Variants in STK26 observed in about 807,000 individuals in gnomAD.
STK26 encodes the protein serine/threonine-protein kinase 26.
In STK26, 14 loss-of-function variants were observed where a neutral mutation model predicts 34.7. That is an observed-to-expected ratio of 0.40 (90% CI 0.27 to 0.63). STK26 has a LOEUF of 0.63. Among genes scored for constraint, STK26 ranks in the 30% least tolerant of loss-of-function variants. The pLI is 0.38. For synonymous variants in STK26, 100 were observed against 109.8 expected, an observed-to-expected ratio of 0.91 and a Z score of 0.56; for missense variants, 226 against 309.1, an observed-to-expected ratio of 0.73 and a Z score of 2.02.
chrX:132,035,712 G>A (rs1392197488), intron 2 of STK26, among the ~76,000 whole-genome samples: 1 of 108,358 alleles, frequency 9.2e-6, no homozygotes, highest in Non-Finnish European at 1.9e-5. Flanking sequence ...ATAAATGGCA[G>A]TATCTTAAAT....
intron 4 of STK26, 68 bp from the exon 5 acceptor site, chrX:132,068,147 A>C (rs1303982321): frequency 1.1e-6 from 1 of 870,014 alleles, no homozygotes. Context: ...CAAAGGTACC[A>C]ATTTTGAATT....
chrX:132,049,781 C>T (rs919411207), intron 2 of STK26, among the ~76,000 whole-genome samples: 4 of 112,038 alleles, frequency 3.6e-5, no homozygotes, highest in African/African-American at 1.3e-4. Flanking sequence ...ACTGATAGGC[C>T]TATATACAGG....
At chrX:132,028,414 T>C (rs1184164729) in intron 2 of STK26, among the ~76,000 whole-genome samples, 1 of 111,691 alleles carries the variant, frequency 9.0e-6, no homozygotes, top group Non-Finnish European at 1.9e-5. Context: ...GTTAAGGATT[T>C]CTGTTCTAGA....
At chrX:132,037,914 C>T (rs1926121744) in intron 2 of STK26, among the ~76,000 whole-genome samples, 1 of 108,082 alleles carries the variant, frequency 9.3e-6, no homozygotes. Context: ...AATAATGAAT[C>T]AATTTCGAGG....
intron 2 of STK26, 118 bp downstream of exon 2, chrX:132,023,777 G>T: frequency 1.1e-6 from 1 of 882,644 alleles, no homozygotes; most frequent in Non-Finnish European, 1.6e-6. Flanking sequence ...GGCAGGGCCG[G>T]TCACTATGGC....
chrX:132,055,552 A>T (rs1569332851), intron 3 of STK26: 1 of 1,073,378 alleles, frequency 9.3e-7, no homozygotes, highest in Non-Finnish European at 1.2e-6. Flanking sequence ...CTTGGGTTCC[A>T]GAGTTAGAAG....
In STK26 at chrX:132,037,769, C is replaced by CTTTTTTTTTTTTTTTTTT. The variant is rs755403402; in HGVS notation, c.42+14116_42+14133dup. Among the ~76,000 whole-genome samples, 78 of 51,842 alleles carry CTTTTTTTTTTTTTTTTTT rather than the reference C, an allele frequency of 1.5e-3. 2 individuals are homozygous for CTTTTTTTTTTTTTTTTTT. Among genetic ancestry groups the CTTTTTTTTTTTTTTTTTT allele is most frequent in the Non-Finnish European group, 2.0e-3 (58 of 29,161 alleles). 45.0% of individuals were successfully genotyped at this position (51,842 alleles called of 115,157 possible). On this transcript the variant is annotated intron_variant, in intron 2 of 11. Coordinates refer to ENST00000394334, the MANE Select transcript of STK26 (RefSeq NM_016542.4). ...ACAAAGTCTTGTAACCGGAGAGCTG[C>CTTTTTTTTTTTTTTTTTT]TTTTTTTTTTTTTTTTTTTTTTTAA...
Position 132,075,056 on chromosome X carries a change from T to A in STK26, c.*897T>A, listed in dbSNP as rs573946706. ...TGAATATAACTTAAATCAGCATATT[T>A]TTGCCATGGTAATAAATTGTCCTAT... On this transcript the variant is annotated 3_prime_UTR_variant, in exon 12 of 12. Transcript: ENST00000394334. The A allele has an allele frequency of 1.2e-4, 13 of 111,786 alleles. No homozygotes were observed. The South Asian group carries it at 4.8e-3, about 41-fold the overall frequency. 9.2% of individuals were successfully genotyped at this position (111,786 alleles called of 1,213,427 possible).
intron 2 of STK26, among the ~76,000 whole-genome samples, chrX:132,053,997 G>T (rs771762425): frequency 8.9e-6 from 1 of 112,033 alleles, no homozygotes; most frequent in African/African-American, 3.2e-5. Context: ...GTTGTGAAAA[G>T]TTCAATGTGT....
chrX:132,070,062 G>A (rs1462953679), intron 7 of STK26, among the ~76,000 whole-genome samples: 1 of 107,917 alleles, frequency 9.3e-6, no homozygotes. Context: ...TTTTTGAGAT[G>A]GAGCCTTGCT....
intron 2 of STK26, among the ~76,000 whole-genome samples, chrX:132,044,156 G>A (rs1282915065): frequency 9.0e-6 from 1 of 111,568 alleles, no homozygotes; most frequent in African/African-American, 3.3e-5. Flanking sequence ...AACGGCCATG[G>A]TGTGTAAAGG....
At chrX:132,060,079 A>C (rs1035275390) in intron 3 of STK26, among the ~76,000 whole-genome samples, 2 of 112,140 alleles carry the variant, frequency 1.8e-5, no homozygotes, top group Non-Finnish European at 3.8e-5. Context: ...ATTCAATTCA[A>C]CAGACGCTTA....
intron 2 of STK26, among the ~76,000 whole-genome samples, chrX:132,045,922 A>C (rs2124157303): frequency 8.9e-6 from 1 of 112,505 alleles, no homozygotes; most frequent in African/African-American, 3.2e-5. Flanking sequence ...CTTTTAATTA[A>C]AATAACAGGA....
At chrX:132,032,572 T>G (rs1925883221) in intron 2 of STK26, among the ~76,000 whole-genome samples, 1 of 111,639 alleles carries the variant, frequency 9.0e-6, no homozygotes, top group Non-Finnish European at 1.9e-5. Flanking sequence ...TATTACCTCT[T>G]AAAGAAAAAG....
chrX:132,049,082 G>C (rs1225412688), intron 2 of STK26, among the ~76,000 whole-genome samples: 1 of 111,517 alleles, frequency 9.0e-6, no homozygotes, highest in Non-Finnish European at 1.9e-5. Context: ...AGGCTCAGGT[G>C]GTCCTCCCAC....
chrX:132,024,323 C>T (rs757482682), intron 2 of STK26, among the ~76,000 whole-genome samples: 1 of 111,588 alleles, frequency 9.0e-6, no homozygotes, highest in Non-Finnish European at 1.9e-5. Context: ...ATGACTGTTA[C>T]ATGTGGTTAA....
rs142433945 is a variant in STK26 at position 132,041,412 on chromosome X, T to G, written c.43-13219T>G. ...TTGGGGTAGGCAGTGAGGATTTGTT[T>G]GATGAATAGTACTTTCTCCCTGGTT... On this transcript the variant is annotated intron_variant, in intron 2 of 11. Transcript: ENST00000394334. 6.0e-3 allele frequency among the ~76,000 whole-genome samples: 674 copies of G among 112,142 alleles called. 6 individuals carry two copies. The highest frequency in any genetic ancestry group is 0.021 in the African/African-American group (645 of 30,871).
intron 3 of STK26, among the ~76,000 whole-genome samples, chrX:132,057,191 T>A: frequency 8.9e-6 from 1 of 111,760 alleles, no homozygotes. Flanking sequence ...GTGGCTTCTT[T>A]CTCCATGTGG....
At chrX:132,024,844 G>A (rs1448725851) in intron 2 of STK26, among the ~76,000 whole-genome samples, 3 of 106,906 alleles carry the variant, frequency 2.8e-5, no homozygotes, top group African/African-American at 1.0e-4. Flanking sequence ...TGTGCACCTA[G>A]AACTCTTGGT....
Sources: allele counts gnomAD v4.1 joint callset (sites outside exome capture counted in the v4.1 genomes callset), GRCh38; gene constraint gnomAD v4.1.1; transcripts MANE v1.5; gene names NCBI Gene and HGNC (gene_info 2026-07-23, HGNC 2026-07-21).